Variants in PDS5A observed in about 807,000 individuals in gnomAD.
PDS5A encodes PDS5 cohesin associated factor A, also known as sister chromatid cohesion protein PDS5 homolog A.
A neutral mutation model predicts 167.1 loss-of-function variants in PDS5A; 42 were observed. The observed-to-expected ratio is 0.25, with a 90% CI of 0.20 to 0.33. The LOEUF is 0.33. PDS5A is among the 10% of genes least tolerant of loss of function. The pLI is 1.00. For synonymous variants in PDS5A, 553 were observed against 554.6 expected, an observed-to-expected ratio of 1.00 and a Z score of 0.04; for missense variants, 1,033 against 1,605.9, an observed-to-expected ratio of 0.64 and a Z score of 6.10.
At chr4:39,857,478 C>G (rs186928698) in intron 26 of PDS5A, among the ~76,000 whole-genome samples, 1 of 150,796 alleles carries the variant, frequency 6.6e-6, no homozygotes, top group East Asian at 2.0e-4. Context: ...CAACAAAAAA[C>G]AAATAAGACA....
intron 23 of PDS5A, among the ~76,000 whole-genome samples, chr4:39,865,158 A>G (rs1578630984): frequency 6.6e-6 from 1 of 152,298 alleles, no homozygotes; most frequent in East Asian, 1.9e-4. Context: ...TTGTAATGAA[A>G]AGAGGTATTG....
chr4:39,868,609 G>A (rs561918437), intron 22 of PDS5A: 31 of 452,134 alleles, frequency 6.9e-5, no homozygotes, highest in African/African-American at 2.6e-4. Context: ...GATTATAGGC[G>A]TGAGCCACCA....
At chr4:39,961,866 T>C (rs930053545) in intron 2 of PDS5A, among the ~76,000 whole-genome samples, 1 of 152,220 alleles carries the variant, frequency 6.6e-6, no homozygotes, top group Non-Finnish European at 1.5e-5. Context: ...TTGGCCTTCA[T>C]ACATGTCAAT....
intron 19 of PDS5A, among the ~76,000 whole-genome samples, chr4:39,876,405 GA>G (rs1384056807): frequency 1.3e-5 from 2 of 152,124 alleles, no homozygotes; most frequent in Non-Finnish European, 2.9e-5. Context: ...CTTGTTCTAT[GA>G]TTATCATGTG....
rs754287271 is a variant in PDS5A, at chr4:39,908,457, C to T, written c.1171G>A (p.Asp391Asn). Residue 391 changes from aspartate (D) to asparagine (N), a missense_variant, in exon 11 of 33, where the codon GAC becomes AAC. By Grantham distance (23) the Asp-to-Asn change is conservative. Transcript: ENST00000303538. ...AGCTGATCATTTACTAAGGCCAGGTCCCTCTTGGCAGCTGTTATTATAGTA... is the reference window on the plus strand; with the variant it reads ...AGCTGATCATTTACTAAGGCCAGGTTCCTCTTGGCAGCTGTTATTATAGTA... ...IVTIITAAKR[D>N]LALVNDQLLG... 6.2e-7 allele frequency: 1 copy of T among 1,608,898 alleles called. No homozygotes were observed. Among genetic ancestry groups the T allele is most frequent in the Admixed American group, 1.7e-5 (1 of 60,004 alleles).
intron 7 of PDS5A, among the ~76,000 whole-genome samples, chr4:39,917,659 C>A (rs1396481462): frequency 6.6e-6 from 1 of 152,048 alleles, no homozygotes; most frequent in Non-Finnish European, 1.5e-5. Flanking sequence ...ACTGCAACTT[C>A]CACCTCCGAG....
In PDS5A at chr4:39,864,128, C is replaced by CA. The variant is rs202144689; in HGVS notation, c.2643-670dup. ...CTGGCAACAGAGTAAGACTCTGTCTCAAAAAAAACAAAAAACAAAAAACAA... is the reference window on the plus strand; with the variant it reads ...CTGGCAACAGAGTAAGACTCTGTCTCAAAAAAAAACAAAAAACAAAAAACAA... On this transcript the variant is annotated intron_variant, in intron 23 of 32. Coordinates refer to ENST00000303538, the MANE Select transcript of PDS5A (RefSeq NM_001100399.2). Among the ~76,000 whole-genome samples the CA allele has an allele frequency of 8.8e-3, 1,291 of 147,178 alleles. 57 individuals are homozygous for CA. Among genetic ancestry groups the CA allele is most frequent in the Admixed American group, 0.072 (1,061 of 14,740 alleles).
chr4:39,953,447 C>T (rs1040115746), intron 2 of PDS5A, among the ~76,000 whole-genome samples: 1 of 146,258 alleles, frequency 6.8e-6, no homozygotes, highest in African/African-American at 2.5e-5. Context: ...TTCATTCCAA[C>T]ACACTGGGAG....
At chr4:39,895,069 T>C (rs1242588579) in intron 16 of PDS5A, among the ~76,000 whole-genome samples, 1 of 151,490 alleles carries the variant, frequency 6.6e-6, no homozygotes, top group Non-Finnish European at 1.5e-5. Context: ...CTACTAAAAA[T>C]ACAAAAAATT....
intron 2 of PDS5A, among the ~76,000 whole-genome samples, chr4:39,930,893 C>T (rs1310077232): frequency 6.6e-6 from 1 of 150,962 alleles, no homozygotes; most frequent in East Asian, 1.9e-4. Flanking sequence ...TACCACTGTA[C>T]TTAAAGGAAA....
At chr4:39,869,351 C>T (rs561857104) in intron 22 of PDS5A, 43 bp downstream of exon 22, 2 of 1,109,230 alleles carry the variant, frequency 1.8e-6, no homozygotes, top group East Asian at 2.3e-5. Context: ...ACAAAATGTC[C>T]CTTTTTTAAA....
At chr4:39,845,020 CAA>C (rs1717463053) in intron 29 of PDS5A, among the ~76,000 whole-genome samples, 1 of 151,980 alleles carries the variant, frequency 6.6e-6, no homozygotes, top group Admixed American at 6.6e-5. Flanking sequence ...CCACTCTGGC[CAA>C]AAGAGTGAAA....
In PDS5A at chr4:39,834,442, G is replaced by A. The variant is rs947636365; in HGVS notation, c.4010+3414C>T. Among the ~76,000 whole-genome samples the A allele has an allele frequency of 9.9e-5, 15 of 152,116 alleles. 1 individual carries two copies. The East Asian group carries it at 2.7e-3, about 27-fold the overall frequency. ...CCTCCTCCACCATGACAATGTTCTC[G>A]CTCATTCCTCTCATCAGACAAGGGC... On this transcript the variant is annotated intron_variant, in intron 32 of 32. Transcript: ENST00000303538.
At chr4:39,932,343 G>A (rs923144871) in intron 2 of PDS5A, 1 of 153,240 alleles carries the variant, frequency 6.5e-6, no homozygotes, top group Admixed American at 6.5e-5. Flanking sequence ...CAGAGGCTGT[G>A]TATACCACAT....
chr4:39,836,998 T>TC (rs1319313775), intron 32 of PDS5A: 42 of 144,156 alleles, frequency 2.9e-4, no homozygotes, highest in African/African-American at 9.9e-4. Flanking sequence ...CCTTTTTTTT[T>TC]TTTTTTTTTT....
intron 16 of PDS5A, among the ~76,000 whole-genome samples, chr4:39,891,656 A>G (rs1281043550): frequency 6.9e-6 from 1 of 145,496 alleles, no homozygotes; most frequent in Non-Finnish European, 1.5e-5. Flanking sequence ...CAAAAGAAAC[A>G]GAAACACATA....
intron 2 of PDS5A, chr4:39,973,991 T>G (rs1347854827): frequency 2.1e-6 from 1 of 483,842 alleles, no homozygotes; most frequent in African/African-American, 2.0e-5. Context: ...CCGGGCATGA[T>G]GGCGGGCGCC....
intron 30 of PDS5A, among the ~76,000 whole-genome samples, chr4:39,842,596 A>G (rs1717125052): frequency 6.6e-6 from 1 of 152,074 alleles, no homozygotes; most frequent in Admixed American, 6.5e-5. Context: ...TTTCATGTGT[A>G]AGAATAATAT....
chr4:39,975,176 G>T (rs923253503), intron 2 of PDS5A, among the ~76,000 whole-genome samples: 1 of 151,966 alleles, frequency 6.6e-6, no homozygotes, highest in South Asian at 2.1e-4. Flanking sequence ...CTACTTGGGA[G>T]GCTGAGGCAG....
Sources: allele counts gnomAD v4.1 joint callset (sites outside exome capture counted in the v4.1 genomes callset), GRCh38; gene constraint gnomAD v4.1.1; transcripts MANE v1.5; gene names NCBI Gene and HGNC (gene_info 2026-07-23, HGNC 2026-07-21).